The following BSN variants were observed in gnomAD, a reference collection of about 807,000 sequenced individuals.
BSN encodes protein bassoon.
A neutral mutation model predicts 264.8 loss-of-function variants in BSN; 57 were observed. That is an observed-to-expected ratio of 0.22 (90% CI 0.17 to 0.27). The LOEUF is 0.27. BSN is among the 10% of genes least tolerant of loss of function. BSN has a pLI of 1.00. For missense variants in BSN, 4,615 were observed against 5,232.5 expected, an observed-to-expected ratio of 0.88 and a Z score of 3.64; for synonymous variants, 2,059 against 2,137.3, an observed-to-expected ratio of 0.96 and a Z score of 1.01.
chr3:49,576,065 T>G (rs143144675), intron 1 of BSN, among the ~76,000 whole-genome samples: 1 of 152,292 alleles, frequency 6.6e-6, no homozygotes, highest in East Asian at 1.9e-4. Context: ...CCCAGATAAC[T>G]TTTGTAAGAG....
At chr3:49,647,817 C>T (rs2052511531) in intron 3 of BSN, among the ~76,000 whole-genome samples, 1 of 152,176 alleles carries the variant, frequency 6.6e-6, no homozygotes, top group Non-Finnish European at 1.5e-5. Context: ...GGGCCTGGGC[C>T]AGGTCTCCCC....
At chr3:49,595,543 G>C (rs2052016754) in intron 1 of BSN, among the ~76,000 whole-genome samples, 1 of 151,780 alleles carries the variant, frequency 6.6e-6, no homozygotes, top group Non-Finnish European at 1.5e-5. Flanking sequence ...TCAGGCTGGA[G>C]TGCAGTGGCA....
Position 49,662,181 on chromosome 3 carries a change from C to A in BSN, c.10336C>A (p.Pro3446Thr). Residue 3446 changes from proline to threonine, a missense_variant, in exon 6 of 12, where the codon CCT becomes ACT. Transcript: ENST00000296452. ...TGGCGGGAGCAGCCGGTCCCGGGCACCTTCTGCATACAGTGGGGAGAAGCT... is the reference window on the plus strand; with the variant it reads ...TGGCGGGAGCAGCCGGTCCCGGGCAACTTCTGCATACAGTGGGGAGAAGCT... Reference protein sequence around the residue: ...IYGGSSRSRAPSAYSGEKLSS... With the variant: ...IYGGSSRSRATSAYSGEKLSS... The A allele has an allele frequency of 6.2e-7, 1 of 1,612,936 alleles. No homozygotes were observed. Among genetic ancestry groups the A allele is most frequent in the Non-Finnish European group, 8.5e-7 (1 of 1,179,910 alleles).
In BSN at chr3:49,655,248, C is replaced by A. The variant is rs1339504285; in HGVS notation, c.5692C>A (p.Leu1898Met). Reference protein sequence around the residue: ...DLTGMRPESQLACCDMVYKLP... With the variant: ...DLTGMRPESQMACCDMVYKLP... ...TACCGGGATGAGGCCTGAGAGCCAG[C>A]TGGCATGCTGTGACATGGTCTACAA... The change falls in exon 5 of 12, where the codon CTG becomes ATG. Residue 1898 changes from leucine (L) to methionine (M), a missense_variant. This residue lies in a region of BSN where 3,415 missense variants were observed against 3,866.4 expected (regional missense o/e 0.88). Coordinates refer to ENST00000296452, the MANE Select transcript of BSN (RefSeq NM_003458.4). 55 of 1,613,018 alleles carry A rather than the reference C, an allele frequency of 3.4e-5. No homozygotes were observed. The highest frequency in any genetic ancestry group is 4.6e-5 in the Non-Finnish European group (54 of 1,179,976).
At position 49,585,320 on chromosome 3, in the gene BSN, G is replaced by A. The variant is rs570602668; in HGVS notation, c.224+30494G>A. On this transcript the variant is annotated intron_variant, in intron 1 of 11. Coordinates refer to ENST00000296452, the MANE Select transcript of BSN (RefSeq NM_003458.4). This position sits in a 1 kb window ranked among gnomAD's most constrained non-coding sequence, Gnocchi z 4.7. ...GAATCAGAAGCACCACTGTCCATCC[G>A]GAATTAAATCCACATCCCAGTATCT... 3.9e-5 allele frequency among the ~76,000 whole-genome samples: 6 copies of A among 152,226 alleles called. No homozygotes were observed. The highest frequency in any genetic ancestry group is 6.5e-5 in the Admixed American group (1 of 15,292).
In BSN at chr3:49,592,264, C is replaced by T. The variant is rs578183986; in HGVS notation, c.225-32711C>T. 2.7e-4 allele frequency among the ~76,000 whole-genome samples: 41 copies of T among 151,700 alleles called. 1 individual carries two copies. In the South Asian group the frequency reaches 7.3e-3, roughly 27 times the overall value. ...ACCTGGGATTACAGGCACGCACCAC[C>T]ATGCTTGGCTGATTTTTATATTTTT... On this transcript the variant is annotated intron_variant, in intron 1 of 11. Coordinates refer to ENST00000296452, the MANE Select transcript of BSN (RefSeq NM_003458.4).
intron 1 of BSN, among the ~76,000 whole-genome samples, chr3:49,572,335 A>G (rs1452222719): frequency 1.3e-5 from 2 of 152,162 alleles, no homozygotes. Flanking sequence ...CCTTGAAGTC[A>G]GTGGGAGCAG....
chr3:49,580,566 C>T (rs993847107), intron 1 of BSN, among the ~76,000 whole-genome samples: 3 of 151,188 alleles, frequency 2.0e-5, no homozygotes, highest in African/African-American at 7.3e-5. Context: ...CGGGCTCAAG[C>T]AGTCCTCTCA....
intron 2 of BSN, among the ~76,000 whole-genome samples, chr3:49,626,544 C>G (rs1043611512): frequency 6.6e-6 from 1 of 152,132 alleles, no homozygotes; most frequent in Non-Finnish European, 1.5e-5. Context: ...GGCGTGCATG[C>G]TCGTGATTAT....
intron 3 of BSN, among the ~76,000 whole-genome samples, chr3:49,645,838 G>T (rs1471897509): frequency 1.3e-5 from 2 of 152,200 alleles, no homozygotes; most frequent in African/African-American, 2.4e-5. Flanking sequence ...TGGTGGTAAG[G>T]CCAGCAGGTC....
intron 3 of BSN, among the ~76,000 whole-genome samples, chr3:49,643,378 G>A (rs983026197): frequency 4.6e-5 from 7 of 152,214 alleles, no homozygotes; most frequent in Non-Finnish European, 7.3e-5. Flanking sequence ...GGTGCCTACT[G>A]ACTCAGACTA....
chr3:49,586,630 C>T (rs2051940145), intron 1 of BSN, among the ~76,000 whole-genome samples: 1 of 152,212 alleles, frequency 6.6e-6, no homozygotes, highest in Admixed American at 6.5e-5. Flanking sequence ...TGTGAGACAC[C>T]ATACCCTACC....
chr3:49,627,046 G>A (rs771927896), intron 2 of BSN, among the ~76,000 whole-genome samples: 1 of 152,272 alleles, frequency 6.6e-6, no homozygotes, highest in African/African-American at 2.4e-5. Flanking sequence ...CTGAGGCTCA[G>A]GGCCAGGAGA....
chr3:49,655,888 A>C lies in BSN; in HGVS notation c.6332A>C (p.Tyr2111Ser), dbSNP rs769400330. ...GCTGCCCTCAACTCCATGGACCAGT[A>C]TGGTGGGCGGCATGGCAGTGGTGGT... ...MCAALNSMDQ[Y>S]GGRHGSGGGG... Residue 2111 changes from tyrosine to serine, a missense_variant, in exon 5 of 12, where the codon TAT becomes TCT. Transcript: ENST00000296452. 7 of 1,612,826 alleles carry C rather than the reference A, an allele frequency of 4.3e-6. No individual in the cohort carries two copies. In the South Asian group the frequency reaches 7.7e-5, roughly 18 times the overall value.
At chr3:49,640,874 A>T (rs2172252) in intron 2 of BSN, 40,952 of 152,148 alleles carry the variant, frequency 0.27, 6,047 homozygotes, top group Middle Eastern at 0.3. Context: ...AAATCTGTAC[A>T]ACAAGCTGGG....
At chr3:49,583,975 T>A (rs565924371) in intron 1 of BSN, among the ~76,000 whole-genome samples, 2 of 152,192 alleles carry the variant, frequency 1.3e-5, no homozygotes, top group African/African-American at 4.8e-5. Context: ...CCGAGTTCAC[T>A]CCATTCTCCT....
At chr3:49,607,685 AT>A (rs1448126484) in intron 1 of BSN, among the ~76,000 whole-genome samples, 1 of 152,236 alleles carries the variant, frequency 6.6e-6, no homozygotes, top group African/African-American at 2.4e-5. Flanking sequence ...TCTTGATGGA[AT>A]TTAGGCCACA....
At chr3:49,623,210 A>T (rs1285001172) in intron 1 of BSN, among the ~76,000 whole-genome samples, 2 of 152,102 alleles carry the variant, frequency 1.3e-5, no homozygotes, top group East Asian at 3.9e-4. Flanking sequence ...GCAAACTTAG[A>T]ATCTTCTCCT....
At chr3:49,595,373 G>A (rs747572575) in intron 1 of BSN, among the ~76,000 whole-genome samples, 5 of 150,966 alleles carry the variant, frequency 3.3e-5, no homozygotes, top group Admixed American at 6.6e-5. Flanking sequence ...TGTATTTTTA[G>A]TAGAGACAGG....
Sources: gnomAD v4.1 joint callset for allele counts (sites outside exome capture counted in the v4.1 genomes callset) on GRCh38, gnomAD v4.1.1 for gene constraint, gnomAD v4.1.1 regional missense constraint, Gnocchi (gnomAD v3.1) non-coding constraint, MANE v1.5 for transcripts, NCBI Gene and HGNC (gene_info 2026-07-23, HGNC 2026-07-21) for gene names.